The following SLC39A10 variants were observed in gnomAD, a reference collection of about 807,000 sequenced individuals.
SLC39A10 encodes solute carrier family 39 member 10, also known as zinc transporter ZIP10.
Under a neutral mutation model 65.1 loss-of-function variants are expected in SLC39A10, and 13 were observed. That is an observed-to-expected ratio of 0.20 (90% CI 0.13 to 0.32). The LOEUF is 0.32. Among genes scored for constraint, SLC39A10 ranks in the 10% least tolerant of loss-of-function variants. The probability of loss-of-function intolerance (pLI) is 1.00; values close to 1 mark genes in which losing one functional copy is unlikely to be tolerated. For missense variants in SLC39A10, 831 were observed against 1,018.4 expected, an observed-to-expected ratio of 0.82 and a Z score of 2.50; for synonymous variants, 321 against 342.2, an observed-to-expected ratio of 0.94 and a Z score of 0.68.
chr2:195,726,840 A>G (rs1380881092), intron 8 of SLC39A10, among the ~76,000 whole-genome samples: 1 of 152,208 alleles, frequency 6.6e-6, no homozygotes, highest in East Asian at 1.9e-4. Context: ...TAAGGGAAAG[A>G]AACAAGCCCA....
intron 8 of SLC39A10, among the ~76,000 whole-genome samples, chr2:195,721,218 G>C (rs1053185397): frequency 6.6e-6 from 1 of 152,196 alleles, no homozygotes; most frequent in Non-Finnish European, 1.5e-5. Context: ...GGGATTACAG[G>C]TGTGAGCCAC....
chr2:195,681,032 A>G lies in SLC39A10; in HGVS notation c.990A>G (p.Glu330=). ...AIISLRKDLN[E]DDHHHECLNV... is the part of the protein sequence containing the mutation. ...TTTCTTTGAGAAAAGATCTAAATGA[A>G]GATGACCATCATCATGAAGTAAGTA... The change falls in exon 2 of 10, where the codon GAA becomes GAG. Residue 330 remains glutamate, a synonymous_variant. Coordinates refer to ENST00000359634, the MANE Select transcript of SLC39A10 (RefSeq NM_020342.3). 2 of 1,608,654 alleles carry G rather than the reference A, an allele frequency of 1.2e-6. No homozygotes were observed. Among genetic ancestry groups the G allele is most frequent in the Non-Finnish European group, 8.5e-7 (1 of 1,176,420 alleles).
chr2:195,660,967 A>G (rs1689371613), intron 1 of SLC39A10, among the ~76,000 whole-genome samples: 1 of 152,180 alleles, frequency 6.6e-6, no homozygotes, highest in African/African-American at 2.4e-5. Context: ...CTTTTATAGA[A>G]TGATTCTTAA....
chr2:195,733,777 G>A (rs917628869), intron 9 of SLC39A10, among the ~76,000 whole-genome samples: 8 of 151,932 alleles, frequency 5.3e-5, no homozygotes, highest in African/African-American at 1.5e-4. Context: ...TGATCTGCCC[G>A]CCTCGGCCTC....
rs770251627 is a variant in SLC39A10, at chr2:195,716,668, A to G, written c.1728A>G (p.Arg576=). The G allele has an allele frequency of 6.2e-7, 1 of 1,611,168 alleles. No individual in the cohort carries two copies. Among genetic ancestry groups the G allele is most frequent in the Non-Finnish European group, 8.5e-7 (1 of 1,178,742 alleles). The change falls in exon 7 of 10, where the codon CGA becomes CGG. Residue 576 remains arginine (R), a synonymous_variant. Transcript: ENST00000359634. ...GTDDSVVSED[R]LNETELTDLE... The stretch of plus-strand genomic sequence containing the variant: ...ATGACTCGGTTGTTTCTGAAGATCG[A>G]CTTAATGAAACTGAACTGACAGATT...
chr2:195,714,932 T>G (rs1691733929), intron 6 of SLC39A10, among the ~76,000 whole-genome samples: 1 of 151,762 alleles, frequency 6.6e-6, no homozygotes, highest in Non-Finnish European at 1.5e-5. Context: ...TTTTGTGTTT[T>G]TAGTAGAGAT....
At chr2:195,660,009 T>C (rs1337303441) in intron 1 of SLC39A10, among the ~76,000 whole-genome samples, 1 of 152,200 alleles carries the variant, frequency 6.6e-6, no homozygotes, top group African/African-American at 2.4e-5. Flanking sequence ...TAATTTATAA[T>C]AACATGTGCA....
chr2:195,692,083 C>G (rs1690766054), intron 3 of SLC39A10, among the ~76,000 whole-genome samples: 1 of 152,144 alleles, frequency 6.6e-6, no homozygotes, highest in African/African-American at 2.4e-5. Context: ...ACCAGTTATC[C>G]CAGCACCATT....
At chr2:195,629,084 G>A (rs949388430) in intron 2 of SLC39A10, among the ~76,000 whole-genome samples, 1 of 152,056 alleles carries the variant, frequency 6.6e-6, no homozygotes, top group East Asian at 1.9e-4. Context: ...AGTTGTTTGT[G>A]TCAGAAACTC....
chr2:195,662,379 T>A (rs1377808048), intron 1 of SLC39A10, among the ~76,000 whole-genome samples: 2 of 151,716 alleles, frequency 1.3e-5, no homozygotes, highest in Non-Finnish European at 2.9e-5. Flanking sequence ...GGTCATCCCC[T>A]TACCTCATCC....
chr2:195,670,159 AAAAAT>A (rs1329904601), intron 1 of SLC39A10, among the ~76,000 whole-genome samples: 1 of 152,170 alleles, frequency 6.6e-6, no homozygotes, highest in African/African-American at 2.4e-5. Context: ...TTCTGTCTCC[AAAAAT>A]AAAATAAAAA....
intron 2 of SLC39A10, among the ~76,000 whole-genome samples, chr2:195,613,090 T>A (rs912201127): frequency 3.9e-5 from 6 of 152,174 alleles, no homozygotes; most frequent in Admixed American, 1.3e-4. Flanking sequence ...AAGCACGTCC[T>A]GTAAGTGAAT....
rs537568445 is a variant in SLC39A10 at position 195,733,767 on chromosome 2, T to G, written c.2338-1116T>G. The stretch of plus-strand genomic sequence containing the variant: ...CTGGTCTCAAACTCCCGACCTCAGT[T>G]GATCTGCCCGCCTCGGCCTCTCAAA... On this transcript the variant is annotated intron_variant, in intron 9 of 9. Coordinates refer to ENST00000359634, the MANE Select transcript of SLC39A10 (RefSeq NM_020342.3). Among the ~76,000 whole-genome samples, 11 of 152,208 alleles carry G rather than the reference T, an allele frequency of 7.2e-5. No homozygotes were observed. In the South Asian group the frequency reaches 1.7e-3, roughly 23 times the overall value.
chr2:195,625,895 C>G (rs144274380), intron 2 of SLC39A10, among the ~76,000 whole-genome samples: 1 of 152,138 alleles, frequency 6.6e-6, no homozygotes, highest in Non-Finnish European at 1.5e-5. Flanking sequence ...AGCAATTCTC[C>G]CACGTTAGCC....
rs201329928 is a variant in SLC39A10, at chr2:195,706,687, A to G, written c.1288A>G (p.Ile430Val). ...LSLLGVILVP[I>V]INQGCFKFLL... Reference sequence around the variant, plus strand: ...CTTGCTAGGCGTGATCTTGGTTCCTATCATTAACCAAGGATGCTTCAAATT... The same window carrying G: ...CTTGCTAGGCGTGATCTTGGTTCCTGTCATTAACCAAGGATGCTTCAAATT... Residue 430 changes from isoleucine (I) to valine (V), a missense_variant, in exon 4 of 10, where the codon ATC becomes GTC. Physicochemically the swap from Ile to Val is conservative, Grantham distance 29. This residue lies in a region of SLC39A10 where 35 missense variants were observed against 72.4 expected (regional missense o/e 0.48). Coordinates refer to ENST00000359634, the MANE Select transcript of SLC39A10 (RefSeq NM_020342.3). 28 of 1,608,638 alleles carry G rather than the reference A, an allele frequency of 1.7e-5. No individual in the cohort carries two copies. Among genetic ancestry groups the G allele is most frequent in the East Asian group, 4.5e-5 (2 of 44,300 alleles).
At chr2:195,616,327 A>C (rs1688206818) in intron 2 of SLC39A10, among the ~76,000 whole-genome samples, 1 of 149,152 alleles carries the variant, frequency 6.7e-6, no homozygotes, top group South Asian at 2.1e-4. Context: ...TGATTTTTTG[A>C]GACAGAGTCT....
At chr2:195,707,871 C>T (rs1691462296) in intron 4 of SLC39A10, among the ~76,000 whole-genome samples, 2 of 152,032 alleles carry the variant, frequency 1.3e-5, no homozygotes, top group Non-Finnish European at 2.9e-5. Flanking sequence ...GAAAAGAATA[C>T]AAATAAATTT....
intron 2 of SLC39A10, among the ~76,000 whole-genome samples, chr2:195,636,399 A>G (rs559002447): frequency 1.3e-5 from 2 of 152,360 alleles, no homozygotes; most frequent in African/African-American, 4.8e-5. Context: ...AGTTTCTAAA[A>G]TGGTAATTAT....
rs150233085 is a variant in SLC39A10 at position 195,628,563 on chromosome 2, C to G, written c.-12+22330C>G. On this transcript the variant is annotated intron_variant, in intron 2 of 2. Coordinates refer to the SLC39A10 transcript ENST00000458054. ...AAGGCCTCTGTCCTCATGAAACATA[C>G]ATTCTAGTGGAAAGACAAGTATAAA... is the stretch of plus-strand genomic sequence containing the variant. Among the ~76,000 whole-genome samples the G allele has an allele frequency of 2.2e-3, 337 of 152,234 alleles. 2 individuals carry two copies. Among genetic ancestry groups the G allele is most frequent in the African/African-American group, 8.0e-3 (332 of 41,542 alleles).
Sources: gnomAD v4.1 joint callset for allele counts (sites outside exome capture counted in the v4.1 genomes callset) on GRCh38, gnomAD v4.1.1 for gene constraint, gnomAD v4.1.1 regional missense constraint, MANE v1.5 for transcripts, NCBI Gene and HGNC (gene_info 2026-07-23, HGNC 2026-07-21) for gene names.